ATRN: variants seen among roughly 807,000 people sequenced by gnomAD.
ATRN encodes the protein attractin-2.
A neutral mutation model predicts 178.7 loss-of-function variants in ATRN; 54 were observed. The observed-to-expected ratio is 0.30, with a 90% CI of 0.24 to 0.38. The LOEUF is 0.38. ATRN is among the 10% of genes least tolerant of loss of function. ATRN has a pLI of 1.00. For synonymous variants in ATRN, 636 were observed against 663.0 expected, an observed-to-expected ratio of 0.96 and a Z score of 0.63; for missense variants, 1,443 against 1,815.1, an observed-to-expected ratio of 0.79 and a Z score of 3.73.
At chr20:3,480,289 C>T (rs184278132) in intron 1 of ATRN, among the ~76,000 whole-genome samples, 11 of 152,212 alleles carry the variant, frequency 7.2e-5, no homozygotes, top group South Asian at 2.1e-4. Flanking sequence ...GGACTTTTGT[C>T]GGAGATCCCT....
intron 1 of ATRN, among the ~76,000 whole-genome samples, chr20:3,517,730 CA>C (rs2085225175): frequency 6.6e-6 from 1 of 151,400 alleles, no homozygotes; most frequent in Admixed American, 6.6e-5. Context: ...AACACGGTGC[CA>C]CTGCACTCCA....
chr20:3,513,690 T>C (rs905961117), intron 1 of ATRN, among the ~76,000 whole-genome samples: 3 of 151,688 alleles, frequency 2.0e-5, no homozygotes, highest in African/African-American at 4.8e-5. Flanking sequence ...ATCTATAAAT[T>C]ACCTTTTTCA....
intron 24 of ATRN, among the ~76,000 whole-genome samples, chr20:3,617,809 GT>G (rs35487572): frequency 0.16 from 23,856 of 152,206 alleles, 2,322 homozygotes; most frequent in Non-Finnish European, 0.22. Context: ...TGGAGCTGAA[GT>G]TCTGTTCGCC....
At chr20:3,511,832 A>G (rs371198679) in intron 1 of ATRN, among the ~76,000 whole-genome samples, 2 of 152,056 alleles carry the variant, frequency 1.3e-5, no homozygotes, top group African/African-American at 4.8e-5. Context: ...TAGATATGAA[A>G]TGTGTGGGGC....
intron 16 of ATRN, 47 bp downstream of exon 16, chr20:3,582,401 G>T: frequency 6.5e-7 from 1 of 1,542,226 alleles, no homozygotes; most frequent in Non-Finnish European, 9.0e-7. Context: ...TATTGTGAGA[G>T]AAACCATAGG....
chr20:3,484,426 T>G (rs762950320), intron 1 of ATRN, among the ~76,000 whole-genome samples: 5 of 152,252 alleles, frequency 3.3e-5, no homozygotes, highest in South Asian at 2.1e-4. Context: ...CTTTATTCCA[T>G]TCTGATCTTT....
intron 1 of ATRN, among the ~76,000 whole-genome samples, chr20:3,486,845 G>A (rs1231189531): frequency 6.6e-6 from 1 of 152,092 alleles, no homozygotes; most frequent in Non-Finnish European, 1.5e-5. Context: ...TTCTTTATCT[G>A]AGGATTCAAG....
chr20:3,497,032 T>C (rs2084889946), intron 1 of ATRN, among the ~76,000 whole-genome samples: 1 of 151,884 alleles, frequency 6.6e-6, no homozygotes, highest in African/African-American at 2.4e-5. Context: ...TCCACCATCC[T>C]TTTATTTTGA....
Position 3,644,210 on chromosome 20 carries a change from C to G in ATRN, c.4107C>G (p.Leu1369=), listed in dbSNP as rs538248443. The G allele has an allele frequency of 8.1e-6, 13 of 1,614,110 alleles. No individual in the cohort carries two copies. The South Asian group carries it at 1.4e-4, about 18-fold the overall frequency. The stretch of plus-strand genomic sequence containing the variant: ...GTTTTGGCAACAAAGCCGCTGTCCT[C>G]TCTGTGTTTGTGAGGCTCCCTCGAG... ...EPCFGNKAAV[L]SVFVRLPRGL... is the part of the protein sequence containing the mutation. Residue 1369 remains leucine, a synonymous_variant, in exon 28 of 29, where the codon CTC becomes CTG. Coordinates refer to ENST00000262919, the MANE Select transcript of ATRN (RefSeq NM_139321.3).
intron 25 of ATRN, chr20:3,628,790 G>C (rs1228423522): frequency 2.9e-6 from 2 of 684,282 alleles, no homozygotes; most frequent in African/African-American, 2.0e-5. Flanking sequence ...ACTGCTTCAT[G>C]AGCGAGACTC....
rs748218876 is a variant in ATRN, at chr20:3,638,922, G to A, written c.4037G>A (p.Gly1346Glu). ...ETDEEPPDLI[G>E]GSIKTVPKPI... ...GATGAGGAGCCTCCTGATCTTATTG[G>A]GGGGAGTATAAAGGTGAGAATGTGA... The change falls in exon 27 of 29, where the codon GGG becomes GAG. Residue 1346 changes from glycine (G) to glutamate (E), a missense_variant. Physicochemically the swap from Gly to Glu is moderately conservative, Grantham distance 98. This residue lies in a region of ATRN where 289 missense variants were observed against 440.8 expected (regional missense o/e 0.66). Coordinates refer to ENST00000262919, the MANE Select transcript of ATRN (RefSeq NM_139321.3). The surrounding 1 kb of genome is among the most constrained non-coding windows in gnomAD (Gnocchi z 4.5). The A allele has an allele frequency of 1.9e-6, 3 of 1,613,780 alleles. No homozygotes were observed. Among genetic ancestry groups the A allele is most frequent in the Non-Finnish European group, 2.5e-6 (3 of 1,179,862 alleles).
Position 3,540,244 on chromosome 20 carries a change from C to T in ATRN, c.517C>T (p.Arg173Cys), listed in dbSNP as rs758948800. ...EGQPNRIMRL[R>C]FNHFATECSW... ...CAGGCCAAATAGAATAATGAGACTT[C>T]GTTTCAATCATTTTGCTACAGAGTG... Residue 173 changes from arginine (R) to cysteine (C), a missense_variant, in exon 3 of 29, where the codon CGT becomes TGT. By Grantham distance (180) the Arg-to-Cys change is radical. Transcript: ENST00000262919. The T allele has an allele frequency of 1.3e-6, 2 of 1,596,890 alleles. No homozygotes were observed. Among genetic ancestry groups the T allele is most frequent in the South Asian group, 1.2e-5 (1 of 86,640 alleles).
chr20:3,558,698 C>G (rs1300002185), intron 6 of ATRN, among the ~76,000 whole-genome samples: 1 of 151,518 alleles, frequency 6.6e-6, no homozygotes, highest in Non-Finnish European at 1.5e-5. Flanking sequence ...GCTCTTTATT[C>G]TTTGTATTGG....
At chr20:3,599,883 T>TC (rs1391095838) in intron 22 of ATRN, among the ~76,000 whole-genome samples, 2 of 152,186 alleles carry the variant, frequency 1.3e-5, no homozygotes, top group Non-Finnish European at 2.9e-5. Context: ...GGTAAATGCT[T>TC]TGTGAGAGAA....
chr20:3,570,834 A>C (rs1181559253), intron 11 of ATRN, among the ~76,000 whole-genome samples: 1 of 152,232 alleles, frequency 6.6e-6, no homozygotes, highest in Non-Finnish European at 1.5e-5. Flanking sequence ...AAATACGCAC[A>C]ATCTAAGCAC....
chr20:3,572,156 C>T (rs143635095), intron 11 of ATRN, among the ~76,000 whole-genome samples: 7 of 152,160 alleles, frequency 4.6e-5, no homozygotes, highest in African/African-American at 1.7e-4. Context: ...TATTCATGTA[C>T]CAGTATGACA....
At chr20:3,479,441 G>T (rs921468872) in intron 1 of ATRN, among the ~76,000 whole-genome samples, 38 of 152,250 alleles carry the variant, frequency 2.5e-4, no homozygotes, top group African/African-American at 7.9e-4. Flanking sequence ...CTCTTTTGGG[G>T]GTTCTGGTGG....
chr20:3,624,559 GT>G lies in ATRN; in HGVS notation c.3851del (p.Val1284GlyfsTer48). Reference protein sequence around the residue: ...SNFMDLVQFFVTFFSCFLSLL... With the variant: ...SNFMDLVQFFXTFFSCFLSLL... The stretch of plus-strand genomic sequence containing the variant: ...TTTTATGGACCTGGTACAGTTCTTC[GT>G]GACTTTCTTCAGGTAATTTTGCTTA... On this transcript the variant is annotated frameshift_variant, in exon 25 of 29. Transcript: ENST00000262919. LOFTEE classifies it high-confidence loss of function. 1 of 1,613,720 alleles carries G rather than the reference GT, an allele frequency of 6.2e-7. No homozygotes were observed. Among genetic ancestry groups the G allele is most frequent in the Non-Finnish European group, 8.5e-7 (1 of 1,179,826 alleles).
Position 3,475,247 on chromosome 20 carries a change from G to A in ATRN, c.410+3730G>A, listed in dbSNP as rs538234361. Reference sequence around the variant, plus strand: ...CTGTAAATCCTGTGTTATAATTGCCGTTATAGGGTTTTTTCATTAATTGAA... The same window carrying A: ...CTGTAAATCCTGTGTTATAATTGCCATTATAGGGTTTTTTCATTAATTGAA... On this transcript the variant is annotated intron_variant, in intron 1 of 28. Coordinates refer to ENST00000262919, the MANE Select transcript of ATRN (RefSeq NM_139321.3). 8.4e-4 allele frequency among the ~76,000 whole-genome samples: 128 copies of A among 152,150 alleles called. 2 individuals are homozygous for A. In the South Asian group the frequency reaches 0.025, roughly 30 times the overall value.
Sources: gnomAD v4.1 joint callset for allele counts (sites outside exome capture counted in the v4.1 genomes callset) on GRCh38, gnomAD v4.1.1 for gene constraint, gnomAD v4.1.1 regional missense constraint, Gnocchi (gnomAD v3.1) non-coding constraint, MANE v1.5 for transcripts, NCBI Gene and HGNC (gene_info 2026-07-23, HGNC 2026-07-21) for gene names.